NCKAP1: variants seen among roughly 807,000 people sequenced by gnomAD.
NCKAP1 encodes the protein NCK associated protein 1.
A neutral mutation model predicts 151.2 loss-of-function variants in NCKAP1; 21 were observed. That is an observed-to-expected ratio of 0.14 (90% CI 0.10 to 0.20). NCKAP1 has a LOEUF of 0.20. Ranked by LOEUF, NCKAP1 falls within the 10% of genes least tolerant of loss-of-function variation. NCKAP1 has a pLI of 1.00. For synonymous variants in NCKAP1, 484 were observed against 451.8 expected (o/e 1.07, Z -0.90); for missense variants, 933 against 1,352.1 (o/e 0.69, Z 4.86).
chr2:182,911,055 T>A lies in NCKAP1; in HGVS notation c.*14647A>T, dbSNP rs180849751. On this transcript the variant is annotated 3_prime_UTR_variant, in exon 31 of 31. Transcript: ENST00000361354. ...ATGATGGGATGGGAGGTTGGGCACA[T>A]CTCATTATACCCCCTCCTCACTAAC... 3 of 148,422 alleles carry A rather than the reference T, an allele frequency of 2.0e-5. No individual in the cohort carries two copies. Among genetic ancestry groups the A allele is most frequent in the East Asian group, 2.2e-4 (1 of 4,608 alleles). The allele number at this position is 148,422 out of a possible 1,614,324, so 9.2% of individuals were successfully genotyped here.
At chr2:183,015,461 A>C (rs767503763) in intron 2 of NCKAP1, among the ~76,000 whole-genome samples, 7 of 151,976 alleles carry the variant, frequency 4.6e-5, no homozygotes, top group Non-Finnish European at 8.8e-5. Context: ...AGAAGACAGA[A>C]GGTTAGAGGA....
chr2:182,968,348 T>C lies in NCKAP1; in HGVS notation c.1483-987A>G, dbSNP rs1697618733. On this transcript the variant is annotated intron_variant, in intron 15 of 30. Transcript: ENST00000361354. ...GAGTTTACTCTGGGAAATAATTAGATATAGTGGGAAACAGAATTATAGATG... is the reference window on the plus strand; with the variant it reads ...GAGTTTACTCTGGGAAATAATTAGACATAGTGGGAAACAGAATTATAGATG... 3.9e-5 allele frequency among the ~76,000 whole-genome samples: 6 copies of C among 152,114 alleles called. No homozygotes were observed. In the South Asian group the frequency reaches 1.2e-3, roughly 32 times the overall value.
chr2:182,964,868 T>C (rs1559084814), intron 16 of NCKAP1, 60 bp from the exon 17 acceptor site: 1 of 1,283,868 alleles, frequency 7.8e-7, no homozygotes, highest in East Asian at 2.5e-5. Context: ...TCTGATATAG[T>C]ACCTTACAGT....
chr2:182,964,609 G>A (rs1697526201), intron 17 of NCKAP1, 67 bp downstream of exon 17: 1 of 1,319,902 alleles, frequency 7.6e-7, no homozygotes, highest in Admixed American at 2.8e-5. Context: ...TAAATATTTG[G>A]TTGGCTACAG....
intron 13 of NCKAP1, among the ~76,000 whole-genome samples, chr2:182,979,950 T>G (rs991485417): frequency 2.0e-5 from 3 of 152,142 alleles, no homozygotes; most frequent in Non-Finnish European, 4.4e-5. Flanking sequence ...TCAGTATGAT[T>G]GCTGCTGATA....
At chr2:182,942,920 CAA>C (rs1309963638) in intron 23 of NCKAP1, among the ~76,000 whole-genome samples, 2 of 152,114 alleles carry the variant, frequency 1.3e-5, no homozygotes, top group South Asian at 4.1e-4. Context: ...TCTAAAACAA[CAA>C]AGAGAGAAGT....
rs1488161404 is a variant in NCKAP1, at chr2:182,912,812, A to G, written c.*12890T>C. On this transcript the variant is annotated 3_prime_UTR_variant, in exon 31 of 31. Coordinates refer to ENST00000361354, the MANE Select transcript of NCKAP1 (RefSeq NM_013436.5). Reference sequence around the variant, plus strand: ...AAAATATGTGCACTAGCACAATACTATAGACAGATCTCAAAACCAAAGAAA... The same window carrying G: ...AAAATATGTGCACTAGCACAATACTGTAGACAGATCTCAAAACCAAAGAAA... 7.3e-6 allele frequency: 1 copy of G among 136,316 alleles called. No individual in the cohort carries two copies. Among genetic ancestry groups the G allele is most frequent in the East Asian group, 2.5e-4 (1 of 3,960 alleles). The allele number at this position is 136,316 out of a possible 1,614,324, so 8.4% of individuals were successfully genotyped here.
Position 182,948,561 on chromosome 2 carries a change from T to C in NCKAP1, c.2601+3844A>G, listed in dbSNP as rs368272543. 5.9e-5 allele frequency among the ~76,000 whole-genome samples: 9 copies of C among 152,162 alleles called. No homozygotes were observed. The East Asian group carries it at 1.7e-3, about 29-fold the overall frequency. On this transcript the variant is annotated intron_variant, in intron 23 of 30. Transcript: ENST00000361354. Reference sequence around the variant, plus strand: ...TTCATACTTACAGACAAGGCTAAAATAGTTAAGTTTATAAAATAATTGTTA... The same window carrying C: ...TTCATACTTACAGACAAGGCTAAAACAGTTAAGTTTATAAAATAATTGTTA...
Position 182,953,229 on chromosome 2 carries a change from T to C in NCKAP1, c.2256A>G (p.Ser752=), listed in dbSNP as rs66829551. Residue 752 remains serine, a synonymous_variant, in exon 21 of 31, where the codon TCA becomes TCG. Transcript: ENST00000361354. The part of the protein sequence containing the change: ...SVRAYMTVLQ[S]IENYVQIDIT... Reference sequence around the variant, plus strand: ...TATCAATCTGCACATAGTTTTCTATTGACTGGAGTACGGTCATGTATGCTC... The same window carrying C: ...TATCAATCTGCACATAGTTTTCTATCGACTGGAGTACGGTCATGTATGCTC... The C allele has an allele frequency of 2.2e-5, 35 of 1,612,880 alleles. No homozygotes were observed. The highest frequency in any genetic ancestry group is 2.9e-5 in the Non-Finnish European group (34 of 1,179,160).
chr2:182,956,405 T>G lies in NCKAP1; in HGVS notation c.2153+57A>C. ...TTTTCCTTATAAAACACTGTATAATTAAATAACAAACTCATTACTGAGTCA... is the reference window on the plus strand; with the variant it reads ...TTTTCCTTATAAAACACTGTATAATGAAATAACAAACTCATTACTGAGTCA... On this transcript the variant is annotated intron_variant, in intron 20 of 30. Coordinates refer to ENST00000361354, the MANE Select transcript of NCKAP1 (RefSeq NM_013436.5). The G allele has an allele frequency of 2.6e-6, 4 of 1,553,624 alleles. No homozygotes were observed. In the African/African-American group the frequency reaches 5.5e-5, roughly 21 times the overall value.
intron 2 of NCKAP1, among the ~76,000 whole-genome samples, chr2:183,005,222 A>G (rs1698447988): frequency 6.6e-6 from 1 of 152,202 alleles, no homozygotes; most frequent in Non-Finnish European, 1.5e-5. Flanking sequence ...CATAATAGTA[A>G]GATATGAAGG....
In NCKAP1 at chr2:182,909,963, T is replaced by C. The variant is rs1387761537; in HGVS notation, c.*15739A>G. On this transcript the variant is annotated 3_prime_UTR_variant, in exon 31 of 31. Coordinates refer to ENST00000361354, the MANE Select transcript of NCKAP1 (RefSeq NM_013436.5). The stretch of plus-strand genomic sequence containing the variant: ...ACACGTATAACCAAGTCTGTTGGAA[T>C]GGATGGGGTGGGAATTCAGTGAAGG... The C allele has an allele frequency of 1.3e-5, 2 of 152,186 alleles. No homozygotes were observed. Among genetic ancestry groups the C allele is most frequent in the Non-Finnish European group, 2.9e-5 (2 of 68,054 alleles). The allele number at this position is 152,186 out of a possible 1,614,324, so 9.4% of individuals were successfully genotyped here. A position where few individuals can be genotyped will look rare whatever the true frequency, so the allele number is the denominator to read the frequency against.
chr2:182,919,538 T>C lies in NCKAP1; in HGVS notation c.*6164A>G, dbSNP rs973139261. ...CTGGATATTTCCTCTCAAATAAAGATAAACATTCTATATGTAACTTGGAGT... is the reference window on the plus strand; with the variant it reads ...CTGGATATTTCCTCTCAAATAAAGACAAACATTCTATATGTAACTTGGAGT... On this transcript the variant is annotated 3_prime_UTR_variant, in exon 31 of 31. Transcript: ENST00000361354. The C allele has an allele frequency of 6.6e-6, 1 of 152,166 alleles. No homozygotes were observed. Among genetic ancestry groups the C allele is most frequent in the African/African-American group, 2.4e-5 (1 of 41,446 alleles). 9.4% of individuals were successfully genotyped at this position (152,166 alleles called of 1,614,324 possible).
At chr2:182,977,364 C>T (rs1697845757) in intron 14 of NCKAP1, among the ~76,000 whole-genome samples, 1 of 152,016 alleles carries the variant, frequency 6.6e-6, no homozygotes, top group South Asian at 2.1e-4. Flanking sequence ...GTGGTGCGTG[C>T]CTGTAGTCCC....
At chr2:183,000,743 T>G (rs1019860334) in intron 6 of NCKAP1, among the ~76,000 whole-genome samples, 2 of 152,168 alleles carry the variant, frequency 1.3e-5, no homozygotes, top group Non-Finnish European at 2.9e-5. Flanking sequence ...TCTTCAGAAT[T>G]TTCATGGGAG....
In NCKAP1 at chr2:182,923,587, G is replaced by A. The variant is rs1476041166; in HGVS notation, c.*2115C>T. 1 of 152,114 alleles carries A rather than the reference G, an allele frequency of 6.6e-6. No individual in the cohort carries two copies. The highest frequency in any genetic ancestry group is 6.6e-5 in the Admixed American group (1 of 15,264). The allele number at this position is 152,114 out of a possible 1,614,324, so 9.4% of individuals were successfully genotyped here. On this transcript the variant is annotated 3_prime_UTR_variant, in exon 31 of 31. Transcript: ENST00000361354. ...GCCTGGCCATGAAATTGTTAAATTA[G>A]TTATGGTATCTATAAAGGTATTAAA...
intron 15 of NCKAP1, among the ~76,000 whole-genome samples, chr2:182,976,631 C>T (rs1697829926): frequency 6.6e-6 from 1 of 152,030 alleles, no homozygotes; most frequent in Admixed American, 6.5e-5. Flanking sequence ...ATATTTGAAT[C>T]AGGATAATCA....
chr2:183,002,219 A>G lies in NCKAP1; in HGVS notation c.420T>C (p.Tyr140=). Reference sequence around the variant, plus strand: ...GAGACAGCAGTATCATTAGTGTTGTATAGGTTATAATTAAATCTAAGTAGT... The same window carrying G: ...GAGACAGCAGTATCATTAGTGTTGTGTAGGTTATAATTAAATCTAAGTAGT... ...TKNYLDLIIT[Y]TTLMILLSRI... The change falls in exon 5 of 31, where the codon TAT becomes TAC. Residue 140 remains tyrosine, a synonymous_variant. Coordinates refer to ENST00000361354, the MANE Select transcript of NCKAP1 (RefSeq NM_013436.5). 1 of 1,569,150 alleles carries G rather than the reference A, an allele frequency of 6.4e-7. No homozygotes were observed. Among genetic ancestry groups the G allele is most frequent in the Non-Finnish European group, 8.8e-7 (1 of 1,140,576 alleles).
chr2:182,972,492 C>T (rs936212601), intron 15 of NCKAP1, among the ~76,000 whole-genome samples: 1 of 152,008 alleles, frequency 6.6e-6, no homozygotes, highest in East Asian at 1.9e-4. Flanking sequence ...TTAGTAGAGC[C>T]GCTATTGAAA....
Sources: allele counts gnomAD v4.1 joint callset (sites outside exome capture counted in the v4.1 genomes callset), GRCh38; gene constraint gnomAD v4.1.1; transcripts MANE v1.5; gene names NCBI Gene and HGNC (gene_info 2026-07-23, HGNC 2026-07-21).